Variants in CFAP43 observed in about 807,000 individuals in gnomAD.
The protein encoded by CFAP43 is cilia and flagella associated protein 43.
Under a neutral mutation model 218.9 loss-of-function variants are expected in CFAP43, and 155 were observed. The observed-to-expected ratio is 0.71, with a 90% CI of 0.62 to 0.81. The LOEUF (loss-of-function observed/expected upper bound fraction) is 0.81, where lower values mean the gene tolerates loss of function less well. CFAP43 is among the 30% of genes least tolerant of loss of function. The probability of loss-of-function intolerance (pLI) is 0.00; values close to 1 mark genes in which losing one functional copy is unlikely to be tolerated. For synonymous variants in CFAP43, 645 were observed against 681.3 expected (o/e 0.95, Z 0.83); for missense variants, 1,778 against 1,954.3 (o/e 0.91, Z 1.70).
chr10:104,141,271 A>T (rs2134747818), intron 33 of CFAP43, among the ~76,000 whole-genome samples: 1 of 152,302 alleles, frequency 6.6e-6, no homozygotes, highest in South Asian at 2.1e-4. Context: ...TATAATTTTG[A>T]CGGTAATAAA....
At position 104,168,857 on chromosome 10, in the gene CFAP43, A is replaced by G; in HGVS notation, c.2587-9T>C. 1.3e-6 allele frequency: 2 copies of G among 1,593,968 alleles called. No homozygotes were observed. Among genetic ancestry groups the G allele is most frequent in the Non-Finnish European group, 1.7e-6 (2 of 1,163,028 alleles). ...TCTACATCCTTTATCATCTTGAAGAACACAGACAAAGGGAAAAGATAAAAA... is the reference window on the plus strand; with the variant it reads ...TCTACATCCTTTATCATCTTGAAGAGCACAGACAAAGGGAAAAGATAAAAA... On this transcript the variant is annotated splice_polypyrimidine_tract_variant and intron_variant, in intron 20 of 37. Coordinates refer to ENST00000357060, the MANE Select transcript of CFAP43 (RefSeq NM_025145.7).
At chr10:104,204,736 T>TC (rs2090630637) in intron 7 of CFAP43, among the ~76,000 whole-genome samples, 2 of 152,094 alleles carry the variant, frequency 1.3e-5, no homozygotes. Context: ...CCAGATGGCT[T>TC]CCTGAGGGTA....
chr10:104,198,105 T>C lies in CFAP43; in HGVS notation c.1096-67A>G. ...GTGTATATAGTTCAACAAATATTTA[T>C]TAAATGCCTACTGTAACCAAGGCTC... On this transcript the variant is annotated intron_variant, in intron 8 of 37. Transcript: ENST00000357060. 5.4e-6 allele frequency: 5 copies of C among 922,688 alleles called. No homozygotes were observed. In the South Asian group the frequency reaches 6.1e-5, roughly 11 times the overall value. The allele number at this position is 922,688 out of a possible 1,614,324, so 57.2% of individuals were successfully genotyped here. A position where few individuals can be genotyped will look rare whatever the true frequency, so the allele number is the denominator to read the frequency against.
intron 37 of CFAP43, among the ~76,000 whole-genome samples, chr10:104,130,946 C>T (rs1028537515): frequency 6.8e-6 from 1 of 146,878 alleles, no homozygotes; most frequent in African/African-American, 2.6e-5. Flanking sequence ...TTGCATTGAG[C>T]CAAGATCATA....
At chr10:104,156,101 C>T (rs764741672) in intron 27 of CFAP43, among the ~76,000 whole-genome samples, 7 of 151,590 alleles carry the variant, frequency 4.6e-5, no homozygotes, top group African/African-American at 1.5e-4. Context: ...AAGGGCAACT[C>T]GAAAGAGGAA....
At chr10:104,177,020 G>A (rs1205369804) in intron 19 of CFAP43, among the ~76,000 whole-genome samples, 1 of 152,092 alleles carries the variant, frequency 6.6e-6, no homozygotes, top group Non-Finnish European at 1.5e-5. Flanking sequence ...AATACAAATA[G>A]TGTTTAGAGT....
chr10:104,208,944 G>T (rs978686661), intron 5 of CFAP43, among the ~76,000 whole-genome samples: 12 of 152,158 alleles, frequency 7.9e-5, no homozygotes, highest in Non-Finnish European at 1.5e-4. Context: ...TAAATAAGTT[G>T]TGTAATGTGA....
chr10:104,193,651 T>C (rs982807709), intron 11 of CFAP43: 9 of 509,654 alleles, frequency 1.8e-5, no homozygotes, highest in African/African-American at 7.7e-5. Flanking sequence ...ACATGAGAAA[T>C]TGGTACCAGG....
In CFAP43 at chr10:104,184,729, C is replaced by A. The variant is rs552996744; in HGVS notation, c.2141+287G>T. On this transcript the variant is annotated intron_variant, in intron 16 of 37. Transcript: ENST00000357060. ...TGCCTCAGAACCCACTGATAATATT[C>A]AAACTAGCCAATCCTAAACCTGCCC... 4.6e-5 allele frequency among the ~76,000 whole-genome samples: 7 copies of A among 152,178 alleles called. No individual in the cohort carries two copies. The East Asian group carries it at 9.7e-4, about 21-fold the overall frequency.
At chr10:104,217,950 A>C (rs1424767407) in intron 3 of CFAP43, among the ~76,000 whole-genome samples, 1 of 152,268 alleles carries the variant, frequency 6.6e-6, no homozygotes, top group Non-Finnish European at 1.5e-5. Context: ...AGCATGTTCG[A>C]GTTTCTAAAT....
intron 34 of CFAP43, among the ~76,000 whole-genome samples, chr10:104,135,276 C>T (rs2087387886): frequency 6.6e-6 from 1 of 152,124 alleles, no homozygotes; most frequent in African/African-American, 2.4e-5. Context: ...TAACTTCATA[C>T]TCAATGATAA....
chr10:104,159,332 C>G (rs992942047), intron 27 of CFAP43, among the ~76,000 whole-genome samples: 1 of 151,906 alleles, frequency 6.6e-6, no homozygotes, highest in African/African-American at 2.4e-5. Flanking sequence ...TTATACTGAC[C>G]CAAATATCAC....
In CFAP43 at chr10:104,172,544, T is replaced by C; in HGVS notation, c.2461-9A>G. On this transcript the variant is annotated splice_polypyrimidine_tract_variant and intron_variant, in intron 19 of 37. Coordinates refer to ENST00000357060, the MANE Select transcript of CFAP43 (RefSeq NM_025145.7). ...TCCATCATATTCAGAATCTGAATGTTGAAATAAAAAAGAGTGCTGACAAGT... is the reference window on the plus strand; with the variant it reads ...TCCATCATATTCAGAATCTGAATGTCGAAATAAAAAAGAGTGCTGACAAGT... 1 of 1,581,124 alleles carries C rather than the reference T, an allele frequency of 6.3e-7. No individual in the cohort carries two copies. Among genetic ancestry groups the C allele is most frequent in the Non-Finnish European group, 8.6e-7 (1 of 1,168,460 alleles).
At chr10:104,162,164 G>T in intron 25 of CFAP43, 123 bp from the exon 26 acceptor site, 2 of 1,248,560 alleles carry the variant, frequency 1.6e-6, no homozygotes, top group Non-Finnish European at 2.3e-6. Context: ...AAGGTAGGTA[G>T]TGCCTGGAGG....
chr10:104,155,954 G>T (rs703337), intron 27 of CFAP43, among the ~76,000 whole-genome samples: 42,106 of 151,808 alleles, frequency 0.28, 8,381 homozygotes, highest in African/African-American at 0.57. Context: ...AGGCAATAAA[G>T]CCTGGGAAAG....
intron 27 of CFAP43, among the ~76,000 whole-genome samples, chr10:104,159,582 C>A (rs1222478140): frequency 6.6e-6 from 1 of 152,070 alleles, no homozygotes; most frequent in African/African-American, 2.4e-5. Flanking sequence ...GGCCATTTCA[C>A]CCATAAGAAG....
At chr10:104,221,985 A>T (rs2091194211) in intron 3 of CFAP43, among the ~76,000 whole-genome samples, 1 of 152,186 alleles carries the variant, frequency 6.6e-6, no homozygotes, top group South Asian at 2.1e-4. Flanking sequence ...GACTATAACC[A>T]TGAGACCATT....
chr10:104,151,646 A>G (rs1331002149), intron 28 of CFAP43, among the ~76,000 whole-genome samples: 1 of 152,066 alleles, frequency 6.6e-6, no homozygotes, highest in African/African-American at 2.4e-5. Context: ...CCTTTGTCAG[A>G]TGCAGAGTTT....
At chr10:104,192,402 C>T (rs2090255795) in intron 11 of CFAP43, 100 bp from the exon 12 acceptor site, 1 of 891,408 alleles carries the variant, frequency 1.1e-6, no homozygotes, top group Middle Eastern at 2.7e-4. Context: ...CAAAGCCAGT[C>T]ATTTTTACGG....
Sources: gnomAD v4.1 joint callset for allele counts (sites outside exome capture counted in the v4.1 genomes callset) on GRCh38, gnomAD v4.1.1 for gene constraint, MANE v1.5 for transcripts, NCBI Gene and HGNC (gene_info 2026-07-23, HGNC 2026-07-21) for gene names.